Variants in MICU2 observed in about 807,000 individuals in gnomAD.
The protein encoded by MICU2 is mitochondrial calcium uptake 2, also known as calcium uptake protein 2, mitochondrial.
MICU2 carries 64 observed loss-of-function variants against 60.4 expected under a neutral mutation model. The observed-to-expected ratio is 1.06, with a 90% confidence interval of 0.87 to 1.31. The LOEUF is 1.31. Among genes scored for constraint, MICU2 ranks in the 50% most tolerant of loss-of-function variants. The pLI, the probability that MICU2 is intolerant of heterozygous loss-of-function variation, is 0.00. For missense variants in MICU2, 569 were observed against 531.0 expected, an observed-to-expected ratio of 1.07 and a Z score of -0.70; for synonymous variants, 201 against 175.0, an observed-to-expected ratio of 1.15 and a Z score of -1.17.
At chr13:21,579,754 T>G (rs1265854273) in intron 1 of MICU2, among the ~76,000 whole-genome samples, 3 of 152,190 alleles carry the variant, frequency 2.0e-5, no homozygotes, top group East Asian at 3.9e-4. Context: ...TCTGAAATAT[T>G]TTGTAAGATA....
intron 2 of MICU2, among the ~76,000 whole-genome samples, chr13:21,565,538 A>G (rs1171450546): frequency 6.6e-6 from 1 of 152,216 alleles, no homozygotes; most frequent in East Asian, 1.9e-4. Context: ...CGTGCCTGTA[A>G]TCCCAGACAC....
intron 1 of MICU2, among the ~76,000 whole-genome samples, chr13:21,581,012 TCAA>T (rs1301534895): frequency 6.6e-6 from 1 of 152,096 alleles, no homozygotes; most frequent in South Asian, 2.1e-4. Flanking sequence ...GAGGCAAACA[TCAA>T]CAATTACCTG....
At chr13:21,517,577 A>T (rs1403678884) in intron 6 of MICU2, among the ~76,000 whole-genome samples, 1 of 152,116 alleles carries the variant, frequency 6.6e-6, no homozygotes, top group African/African-American at 2.4e-5. Flanking sequence ...GGAGCTCGAG[A>T]CCAGCCTGGC....
chr13:21,501,355 A>C (rs1033572714), intron 9 of MICU2, among the ~76,000 whole-genome samples: 19 of 151,652 alleles, frequency 1.3e-4, no homozygotes, highest in South Asian at 2.1e-4. Context: ...CTCTGCCTCC[A>C]GGGTTCACAC....
chr13:21,586,134 T>C (rs1037231955), intron 1 of MICU2, among the ~76,000 whole-genome samples: 3 of 152,200 alleles, frequency 2.0e-5, no homozygotes, highest in Non-Finnish European at 4.4e-5. Context: ...TGGTTCAGTT[T>C]CACAGTTTTG....
intron 9 of MICU2, among the ~76,000 whole-genome samples, chr13:21,501,875 G>A (rs1221623999): frequency 6.6e-6 from 1 of 152,116 alleles, no homozygotes; most frequent in African/African-American, 2.4e-5. Context: ...ACCTCTGAAT[G>A]GGTCTAGACC....
chr13:21,587,896 G>C (rs1888493365), intron 1 of MICU2, among the ~76,000 whole-genome samples: 1 of 152,164 alleles, frequency 6.6e-6, no homozygotes, highest in Non-Finnish European at 1.5e-5. Flanking sequence ...ACTGAATCTT[G>C]ATTTTTCTTT....
intron 2 of MICU2, among the ~76,000 whole-genome samples, chr13:21,549,669 G>A (rs7983473): frequency 0.21 from 32,467 of 152,052 alleles, 4,454 homozygotes; most frequent in East Asian, 0.66. Flanking sequence ...ATCATATACT[G>A]GTATAAGGAA....
In MICU2 at chr13:21,493,247, T is replaced by C. The variant is rs1885905032; in HGVS notation, c.*2A>G. Reference sequence around the variant, plus strand: ...ATAATTGCCATACTATTATATCTTTTATTAAAAAAGACCTTTTCCAGCTTG... The same window carrying C: ...ATAATTGCCATACTATTATATCTTTCATTAAAAAAGACCTTTTCCAGCTTG... On this transcript the variant is annotated 3_prime_UTR_variant, in exon 12 of 12. Coordinates refer to ENST00000382374, the MANE Select transcript of MICU2 (RefSeq NM_152726.3). The C allele has an allele frequency of 6.3e-6, 10 of 1,588,762 alleles. No individual in the cohort carries two copies. Among genetic ancestry groups the C allele is most frequent in the African/African-American group, 1.4e-5 (1 of 73,882 alleles).
At position 21,526,872 on chromosome 13, in the gene MICU2, C is replaced by T. The variant is rs529288095; in HGVS notation, c.467-4222G>A. On this transcript the variant is annotated intron_variant, in intron 4 of 11. Transcript: ENST00000382374. The stretch of plus-strand genomic sequence containing the variant: ...AATAAAGAGCTGCAGAGGGTGATGA[C>T]GGTGGGAATGTATTTACCCTTCTGT... 4.6e-5 allele frequency among the ~76,000 whole-genome samples: 7 copies of T among 151,974 alleles called. No homozygotes were observed. In the South Asian group the frequency reaches 8.3e-4, roughly 18 times the overall value.
intron 6 of MICU2, 120 bp from the exon 7 acceptor site, chr13:21,514,538 T>A (rs73156604): frequency 0.2 from 127,591 of 638,212 alleles, 16,901 homozygotes; most frequent in Non-Finnish European, 0.26. Context: ...AAATATTAAC[T>A]TCTTTTTTTT....
chr13:21,574,482 C>T (rs1768943791), intron 1 of MICU2, among the ~76,000 whole-genome samples: 1 of 152,190 alleles, frequency 6.6e-6, no homozygotes, highest in Admixed American at 6.5e-5. Flanking sequence ...AAGCTGATGA[C>T]TTCTGTTAAA....
chr13:21,548,501 T>A (rs1158697969), intron 2 of MICU2, among the ~76,000 whole-genome samples: 1 of 152,246 alleles, frequency 6.6e-6, no homozygotes, highest in African/African-American at 2.4e-5. Flanking sequence ...AATTTTAACC[T>A]ATAGCAGCTA....
intron 3 of MICU2, 71 bp from the exon 4 acceptor site, chr13:21,539,448 A>AC: frequency 1.4e-6 from 2 of 1,428,696 alleles, no homozygotes; most frequent in Non-Finnish European, 1.9e-6. Context: ...ACAGACGCCC[A>AC]CCTCCATAGC....
intron 9 of MICU2, among the ~76,000 whole-genome samples, chr13:21,500,417 A>ATTTT (rs10608018): frequency 9.6e-5 from 12 of 124,944 alleles, no homozygotes; most frequent in African/African-American, 3.3e-4. Context: ...ATACCTACTG[A>ATTTT]TTTTTTTTTT....
At chr13:21,572,403 T>A (rs1292469679) in intron 1 of MICU2, among the ~76,000 whole-genome samples, 1 of 152,182 alleles carries the variant, frequency 6.6e-6, no homozygotes, top group African/African-American at 2.4e-5. Flanking sequence ...GTTACATTCC[T>A]GTGAGACTTC....
chr13:21,530,691 C>T (rs879409391), intron 4 of MICU2: 55 of 387,230 alleles, frequency 1.4e-4, no homozygotes, highest in Non-Finnish European at 2.1e-4. Context: ...ACTGGGGTGG[C>T]CACTGAGGGG....
intron 4 of MICU2, chr13:21,531,242 A>G (rs1886990537): frequency 1.7e-6 from 2 of 1,197,464 alleles, no homozygotes; most frequent in African/African-American, 1.5e-5. Flanking sequence ...ACACTATAAG[A>G]AAGGAATATT....
chr13:21,561,379 A>G (rs1275786804), intron 2 of MICU2, among the ~76,000 whole-genome samples: 1 of 152,128 alleles, frequency 6.6e-6, no homozygotes, highest in African/African-American at 2.4e-5. Context: ...CTGTCAATCA[A>G]TGACAGAAGG....
Sources: gnomAD v4.1 joint callset for allele counts (sites outside exome capture counted in the v4.1 genomes callset) on GRCh38, gnomAD v4.1.1 for gene constraint, MANE v1.5 for transcripts, NCBI Gene and HGNC (gene_info 2026-07-23, HGNC 2026-07-21) for gene names.